AP3S1: variants seen among roughly 807,000 people sequenced by gnomAD.
The protein encoded by AP3S1 is adaptor related protein complex 3 subunit sigma 1.
A neutral mutation model predicts 21.3 loss-of-function variants in AP3S1; 12 were observed. The observed-to-expected ratio is 0.56, with a 90% CI of 0.36 to 0.91. The LOEUF is 0.91. Ranked by LOEUF, AP3S1 falls within the 40% of genes least tolerant of loss-of-function variation. The pLI is 0.01. For synonymous variants in AP3S1, 48 were observed against 78.4 expected, an observed-to-expected ratio of 0.61 and a Z score of 2.05; for missense variants, 116 against 225.0, an observed-to-expected ratio of 0.52 and a Z score of 3.10.
intron 1 of AP3S1, among the ~76,000 whole-genome samples, chr5:115,861,074 C>A (rs1462830433): frequency 6.6e-6 from 1 of 152,180 alleles, no homozygotes; most frequent in South Asian, 2.1e-4. Context: ...ATTCAGACTA[C>A]TACAAAGGAA....
At chr5:115,844,177 A>G (rs145089275) in intron 1 of AP3S1, among the ~76,000 whole-genome samples, 1,703 of 152,090 alleles carry the variant, frequency 0.011, 13 homozygotes, top group Middle Eastern at 0.017. Flanking sequence ...GAGGGCAGTT[A>G]TTTTTTTTCA....
chr5:115,842,102 C>T lies in AP3S1; in HGVS notation c.65C>T (p.Pro22Leu), dbSNP rs141651630. 23 of 1,558,324 alleles carry T rather than the reference C, an allele frequency of 1.5e-5. No homozygotes were observed. The highest frequency in any genetic ancestry group is 2.0e-5 in the Non-Finnish European group (23 of 1,154,680). The change falls in exon 1 of 6, where the codon CCC becomes CTC. Residue 22 changes from proline (P) to leucine (L), a missense_variant. Pro to Leu is a moderately conservative substitution (Grantham distance 98). Transcript: ENST00000316788. Reference sequence around the variant, plus strand: ...CCGCGGCTCTCCAAGTTCTACCAGCCCTACGTGAGTATCCAGCCGCCGCTG... The same window carrying T: ...CCGCGGCTCTCCAAGTTCTACCAGCTCTACGTGAGTATCCAGCCGCCGCTG... Reference protein sequence around the residue: ...GKPRLSKFYQPYSEDTQQQII... With the variant: ...GKPRLSKFYQLYSEDTQQQII...
At chr5:115,843,415 A>G (rs1001329317) in intron 1 of AP3S1, among the ~76,000 whole-genome samples, 5 of 152,238 alleles carry the variant, frequency 3.3e-5, no homozygotes, top group African/African-American at 4.8e-5. Context: ...TTTGCTAGCT[A>G]TAAAGAATAT....
intron 1 of AP3S1, among the ~76,000 whole-genome samples, chr5:115,847,789 A>G (rs892289104): frequency 2.6e-5 from 4 of 152,196 alleles, no homozygotes; most frequent in Non-Finnish European, 4.4e-5. Flanking sequence ...TTTAATATAT[A>G]TTAGTTTTCT....
At chr5:115,895,066 A>T in intron 3 of AP3S1, 21 bp from the exon 4 acceptor site, 1 of 1,547,138 alleles carries the variant, frequency 6.5e-7, no homozygotes, top group Non-Finnish European at 8.8e-7. Context: ...AGTTCTTAAA[A>T]CCTTTTTTCT....
At chr5:115,898,946 T>A (rs149099191) in intron 4 of AP3S1, among the ~76,000 whole-genome samples, 180 of 152,374 alleles carry the variant, frequency 1.2e-3, no homozygotes, top group African/African-American at 4.2e-3. Context: ...CCCCGTGTTG[T>A]TGCCCATATT....
intron 4 of AP3S1, among the ~76,000 whole-genome samples, 197 bp downstream of exon 4, chr5:115,895,355 GGT>G (rs1479323442): frequency 1.3e-5 from 2 of 152,030 alleles, no homozygotes; most frequent in Non-Finnish European, 2.9e-5. Context: ...CACATCGAAG[GGT>G]GGAAACAACG....
intron 2 of AP3S1, among the ~76,000 whole-genome samples, chr5:115,868,454 C>T (rs552390241): frequency 2.0e-5 from 3 of 152,212 alleles, no homozygotes; most frequent in Admixed American, 1.3e-4. Context: ...AGAAGAGTAT[C>T]TAGCATAGTA....
At chr5:115,893,682 A>G (rs1336140635) in intron 3 of AP3S1, among the ~76,000 whole-genome samples, 1 of 152,144 alleles carries the variant, frequency 6.6e-6, no homozygotes, top group Non-Finnish European at 1.5e-5. Flanking sequence ...CTATAGCAAG[A>G]AGCCTCTTGT....
chr5:115,843,220 A>G (rs960856597), intron 1 of AP3S1, among the ~76,000 whole-genome samples: 3 of 152,216 alleles, frequency 2.0e-5, no homozygotes, highest in East Asian at 3.8e-4. Context: ...TGAGCTTTCA[A>G]TTCAATTTTG....
intron 1 of AP3S1, 81 bp downstream of exon 1, chr5:115,842,187 A>AC: frequency 2.0e-6 from 3 of 1,480,712 alleles, no homozygotes; most frequent in Non-Finnish European, 1.8e-6. Flanking sequence ...TCTCAGAGCG[A>AC]CCCCCTCCGG....
At chr5:115,865,376 A>G (rs909181576) in intron 1 of AP3S1, among the ~76,000 whole-genome samples, 7 of 152,172 alleles carry the variant, frequency 4.6e-5, no homozygotes, top group Non-Finnish European at 8.8e-5. Flanking sequence ...AGATTTCCAA[A>G]TGCATGGGGG....
At position 115,882,588 on chromosome 5, in the gene AP3S1, G is replaced by A. The variant is rs1006858714; in HGVS notation, c.273+12460G>A. 8.5e-5 allele frequency among the ~76,000 whole-genome samples: 13 copies of A among 152,298 alleles called. No homozygotes were observed. The East Asian group carries it at 2.1e-3, about 25-fold the overall frequency. On this transcript the variant is annotated intron_variant, in intron 3 of 5. Transcript: ENST00000316788. ...CCTCTGGAAGGTTCGTCCCAGAGGG[G>A]CACCCGCCAGATGCCAGCCAGAGCT...
intron 1 of AP3S1, chr5:115,853,053 A>G (rs780886908): frequency 2.0e-5 from 9 of 454,374 alleles, no homozygotes; most frequent in East Asian, 1.4e-4. Context: ...ATGCCAGACT[A>G]TATTCTAAAG....
At chr5:115,896,140 G>T (rs1018027599) in intron 4 of AP3S1, among the ~76,000 whole-genome samples, 1 of 152,140 alleles carries the variant, frequency 6.6e-6, no homozygotes, top group South Asian at 2.1e-4. Context: ...TAATTTACAG[G>T]TGTTAAAAGT....
chr5:115,851,943 CA>C (rs2112783508), intron 1 of AP3S1, among the ~76,000 whole-genome samples: 1 of 151,878 alleles, frequency 6.6e-6, no homozygotes, highest in African/African-American at 2.4e-5. Flanking sequence ...ATAATTTAAC[CA>C]ATCAATGTGG....
In AP3S1 at chr5:115,845,353, T is replaced by C. The variant is rs1439675394; in HGVS notation, c.69+3247T>C. Among the ~76,000 whole-genome samples the C allele has an allele frequency of 4.6e-5, 7 of 152,338 alleles. No individual in the cohort carries two copies. The East Asian group carries it at 1.3e-3, about 29-fold the overall frequency. On this transcript the variant is annotated intron_variant, in intron 1 of 5. Coordinates refer to ENST00000316788, the MANE Select transcript of AP3S1 (RefSeq NM_001284.4). ...GCACTTCATTTTCATTCCTCATTTA[T>C]CTCCCTCAAATATAACAACTTACAT...
chr5:115,904,336 A>G (rs1435136938), intron 5 of AP3S1, among the ~76,000 whole-genome samples: 2 of 152,210 alleles, frequency 1.3e-5, no homozygotes, highest in East Asian at 1.9e-4. Context: ...TGGCATTTTA[A>G]AGGATCAGTT....
chr5:115,895,140 G>T lies in AP3S1; in HGVS notation c.327G>T (p.Leu109Phe). The change falls in exon 4 of 6, where the codon TTG (leucine) becomes TTT (phenylalanine). Residue 109 changes from leucine (L) to phenylalanine (F), a missense_variant. Transcript: ENST00000316788. ...TTGAAAATGTCTGTGAGCTGGATTT[G>T]ATTTTCCATGTAGACAAGGTACTAT... ...KCFENVCELD[L>F]IFHVDKVHNI... The T allele has an allele frequency of 6.2e-7, 1 of 1,604,694 alleles. No homozygotes were observed. Among genetic ancestry groups the T allele is most frequent in the Non-Finnish European group, 8.5e-7 (1 of 1,175,152 alleles).
Sources: allele counts gnomAD v4.1 joint callset (sites outside exome capture counted in the v4.1 genomes callset), GRCh38; gene constraint gnomAD v4.1.1; transcripts MANE v1.5; gene names NCBI Gene and HGNC (gene_info 2026-07-23, HGNC 2026-07-21).